Variants in NFKBIB observed in about 807,000 individuals in gnomAD.
NFKBIB encodes NFKB inhibitor beta, also known as NF-kappa-B inhibitor beta.
Under a neutral mutation model 32.1 loss-of-function variants are expected in NFKBIB, and 16 were observed. The ratio of observed to expected loss-of-function variants is 0.50; its 90% CI spans 0.34 to 0.76. NFKBIB has a LOEUF of 0.76. Ranked by LOEUF, NFKBIB falls within the 30% of genes least tolerant of loss-of-function variation. NFKBIB has a pLI of 0.01. For missense variants in NFKBIB, 437 were observed against 514.9 expected, an observed-to-expected ratio of 0.85 and a Z score of 1.46; for synonymous variants, 222 against 219.5, an observed-to-expected ratio of 1.01 and a Z score of -0.10.
chr19:38,899,974 C>T lies in NFKBIB; in HGVS notation c.-59C>T. On this transcript the variant is annotated 5_prime_UTR_variant, in exon 1 of 6. Coordinates refer to ENST00000313582, the MANE Select transcript of NFKBIB (RefSeq NM_002503.5). ...CCCGCAGGGCGGAAGCTCCAGAACT[C>T]CCGGCAAAGCCCAGCTACAGGCGGG... 1 of 1,427,680 alleles carries T rather than the reference C, an allele frequency of 7.0e-7. No individual in the cohort carries two copies. Among genetic ancestry groups the T allele is most frequent in the Non-Finnish European group, 9.2e-7 (1 of 1,090,068 alleles). The allele number at this position is 1,427,680 out of a possible 1,614,324, so 88.4% of individuals were successfully genotyped here.
rs533896617 is a variant in NFKBIB, at chr19:38,905,290, G to A, written c.374G>A (p.Arg125His). The change falls in exon 3 of 6, where the codon CGT becomes CAT. Residue 125 changes from arginine to histidine, a missense_variant. Coordinates refer to ENST00000313582, the MANE Select transcript of NFKBIB (RefSeq NM_002503.5). The surrounding 1 kb of genome is among the most constrained non-coding windows in gnomAD (Gnocchi z 5.5). ...AAGAGLCVAE[R>H]RGHTALHLAC... Reference sequence around the variant, plus strand: ...GGCGCCGGGCTGTGTGTGGCGGAGCGTAGGGGCCACACGGCGCTGCACCTG... The same window carrying A: ...GGCGCCGGGCTGTGTGTGGCGGAGCATAGGGGCCACACGGCGCTGCACCTG... The A allele has an allele frequency of 8.1e-6, 13 of 1,605,170 alleles. 1 individual carries two copies. Among genetic ancestry groups the A allele is most frequent in the Admixed American group, 6.7e-5 (4 of 59,430 alleles).
chr19:38,907,397 A>G lies in NFKBIB; in HGVS notation c.709-2A>G. ...TCTGACCTTTCTGTTGCACCCCCAC[A>G]GGAGCCCACGTGCGGCCGGAGCCCC... On this transcript the variant is annotated splice_acceptor_variant, in intron 4 of 5. Coordinates refer to ENST00000313582, the MANE Select transcript of NFKBIB (RefSeq NM_002503.5). LOFTEE classifies it high-confidence loss of function. The G allele has an allele frequency of 6.3e-7, 1 of 1,589,342 alleles. No individual in the cohort carries two copies. The highest frequency in any genetic ancestry group is 2.3e-5 in the East Asian group (1 of 44,304).
chr19:38,907,698 G>A (rs755662158), intron 5 of NFKBIB, 39 bp downstream of exon 5: 1 of 1,555,112 alleles, frequency 6.4e-7, no homozygotes, highest in Non-Finnish European at 8.7e-7. Context: ...CAGCTGGGGG[G>A]TCAGGATAGA....
Position 38,905,370 on chromosome 19 carries a change from C to G in NFKBIB, c.454C>G (p.Arg152Gly), listed in dbSNP as rs371423502. ...CCGTGCCCTGCTTCAGCCCCGCCCCCGGCGCCCCAGGGAAGCCCCCGACAC... is the reference window on the plus strand; with the variant it reads ...CCGTGCCCTGCTTCAGCCCCGCCCCGGGCGCCCCAGGGAAGCCCCCGACAC... ...CARALLQPRPRRPREAPDTYL... is the reference protein window; with the variant it reads ...CARALLQPRPGRPREAPDTYL... Residue 152 changes from arginine to glycine, a missense_variant, in exon 3 of 6, where the codon CGG (arginine) becomes GGG (glycine). By Grantham distance (125) the Arg-to-Gly change is moderately radical. Transcript: ENST00000313582. This position sits in a 1 kb window ranked among gnomAD's most constrained non-coding sequence, Gnocchi z 5.5. 2 of 1,612,768 alleles carry G rather than the reference C, an allele frequency of 1.2e-6. No individual in the cohort carries two copies. Among genetic ancestry groups the G allele is most frequent in the Admixed American group, 3.3e-5 (2 of 59,984 alleles).
intron 1 of NFKBIB, among the ~76,000 whole-genome samples, chr19:38,902,357 A>C (rs991830011): frequency 6.6e-6 from 1 of 151,896 alleles, no homozygotes; most frequent in Admixed American, 6.6e-5. Context: ...GGCGTGAGCC[A>C]CCGCGCCCGG....
In NFKBIB at chr19:38,905,628, T is replaced by TGGGCTAGGCGAGAGCACCTGGCCC; in HGVS notation, c.619+93_619+94insGGGCTAGGCGAGAGCACCTGGCCC. On this transcript the variant is annotated intron_variant, in intron 3 of 5. Transcript: ENST00000313582. The surrounding 1 kb of genome is among the most constrained non-coding windows in gnomAD (Gnocchi z 5.5). The stretch of plus-strand genomic sequence containing the variant: ...CTTCCCTGATTTGAGACTGAGCTCC[T>TGGGCTAGGCGAGAGCACCTGGCCC]TGGGAAATCATGCCTAGGCTTCAGG... 2 of 1,029,652 alleles carry TGGGCTAGGCGAGAGCACCTGGCCC rather than the reference T, an allele frequency of 1.9e-6. No homozygotes were observed. Among genetic ancestry groups the TGGGCTAGGCGAGAGCACCTGGCCC allele is most frequent in the Non-Finnish European group, 2.8e-6 (2 of 706,030 alleles). 63.8% of individuals were successfully genotyped at this position (1,029,652 alleles called of 1,614,324 possible).
chr19:38,902,847 G>A (rs1974009410), intron 1 of NFKBIB, among the ~76,000 whole-genome samples: 1 of 152,208 alleles, frequency 6.6e-6, no homozygotes, highest in South Asian at 2.1e-4. Context: ...GAGCCAAGGC[G>A]GACAGATCAC....
chr19:38,905,519 G>A lies in NFKBIB; in HGVS notation c.603G>A (p.Glu201=). The part of the protein sequence containing the change: ...ESEEDWKLQL[E]AENYEGHTPL... Reference sequence around the variant, plus strand: ...AGGAGGACTGGAAGCTGCAGCTGGAGGCTGAAAACTACGAGGGTGAGGGTC... The same window carrying A: ...AGGAGGACTGGAAGCTGCAGCTGGAAGCTGAAAACTACGAGGGTGAGGGTC... The change falls in exon 3 of 6, where the codon GAG becomes GAA. Residue 201 remains glutamate, a synonymous_variant. Coordinates refer to ENST00000313582, the MANE Select transcript of NFKBIB (RefSeq NM_002503.5). The surrounding 1 kb of genome is among the most constrained non-coding windows in gnomAD (Gnocchi z 5.5). 2 of 1,609,510 alleles carry A rather than the reference G, an allele frequency of 1.2e-6. No homozygotes were observed. The highest frequency in any genetic ancestry group is 1.1e-5 in the South Asian group (1 of 90,450).
In NFKBIB at chr19:38,907,281, G is replaced by A. The variant is rs773054763; in HGVS notation, c.680G>A (p.Arg227Gln). ...GATGTGGAGATGGTCCGGCTGCTCCGAGATGCTGGAGCTGACCTTGACAAA... is the reference window on the plus strand; with the variant it reads ...GATGTGGAGATGGTCCGGCTGCTCCAAGATGCTGGAGCTGACCTTGACAAA... ...HKDVEMVRLLRDAGADLDKPE... is the reference protein window; with the variant it reads ...HKDVEMVRLLQDAGADLDKPE... The change falls in exon 4 of 6, where the codon CGA becomes CAA. Residue 227 changes from arginine to glutamine, a missense_variant. Arg to Gln is a conservative substitution (Grantham distance 43). Coordinates refer to ENST00000313582, the MANE Select transcript of NFKBIB (RefSeq NM_002503.5). The A allele has an allele frequency of 2.6e-5, 42 of 1,613,552 alleles. No individual in the cohort carries two copies. Among genetic ancestry groups the A allele is most frequent in the Admixed American group, 6.7e-5 (4 of 60,000 alleles).
At position 38,905,302 on chromosome 19, in the gene NFKBIB, C is replaced by G; in HGVS notation, c.386C>G (p.Thr129Arg). 2 of 1,606,432 alleles carry G rather than the reference C, an allele frequency of 1.2e-6. No homozygotes were observed. The highest frequency in any genetic ancestry group is 1.7e-6 in the Non-Finnish European group (2 of 1,177,404). The change falls in exon 3 of 6, where the codon ACG becomes AGG. Residue 129 changes from threonine to arginine, a missense_variant. Thr to Arg is a moderately conservative substitution (Grantham distance 71). Transcript: ENST00000313582. This position sits in a 1 kb window ranked among gnomAD's most constrained non-coding sequence, Gnocchi z 5.5. ...TGTGTGGCGGAGCGTAGGGGCCACA[C>G]GGCGCTGCACCTGGCCTGCCGTGTG... ...GLCVAERRGH[T>R]ALHLACRVGA...
intron 1 of NFKBIB, among the ~76,000 whole-genome samples, chr19:38,902,295 C>T (rs1973995287): frequency 1.3e-5 from 2 of 151,932 alleles, no homozygotes; most frequent in African/African-American, 2.4e-5. Context: ...TGGTCTTGAT[C>T]TCCTGACCTT....
At chr19:38,899,766 A>T, upstream of NFKBIB, 1 of 688,358 alleles carries the variant, frequency 1.5e-6, no homozygotes, top group Non-Finnish European at 2.5e-6. Flanking sequence ...GGACCGGACT[A>T]CGAGTCCCAG....
Position 38,905,247 on chromosome 19 carries a change from G to A in NFKBIB, c.331G>A (p.Glu111Lys), listed in dbSNP as rs765829183. 1.3e-6 allele frequency: 2 copies of A among 1,590,890 alleles called. No homozygotes were observed. Among genetic ancestry groups the A allele is most frequent in the East Asian group, 2.2e-5 (1 of 44,698 alleles). Residue 111 changes from glutamate to lysine, a missense_variant, in exon 3 of 6, where the codon GAG becomes AAG. Glu to Lys is a moderately conservative substitution (Grantham distance 56). Transcript: ENST00000313582. The surrounding 1 kb of genome is among the most constrained non-coding windows in gnomAD (Gnocchi z 5.5). ...CATCCTGGGGGAGACATCCACGGTG[G>A]AGAAGCTGTACGCAGCAGGCGCCGG... is the stretch of plus-strand genomic sequence containing the variant. ...AAILGETSTV[E>K]KLYAAGAGLC...
chr19:38,902,235 T>C (rs999562389), intron 1 of NFKBIB, among the ~76,000 whole-genome samples: 2 of 151,882 alleles, frequency 1.3e-5, no homozygotes, highest in Non-Finnish European at 2.9e-5. Flanking sequence ...CACCTGCCAC[T>C]TCGCCTGGCT....
chr19:38,903,852 C>T (rs946625226), intron 1 of NFKBIB, among the ~76,000 whole-genome samples: 2 of 151,888 alleles, frequency 1.3e-5, no homozygotes, highest in Admixed American at 6.6e-5. Flanking sequence ...GGGTGGATCA[C>T]GAGGTCAGGA....
At chr19:38,903,631 C>G (rs12610409) in intron 1 of NFKBIB, among the ~76,000 whole-genome samples, 94,925 of 151,908 alleles carry the variant, frequency 0.62, 30,285 homozygotes, top group East Asian at 0.96. Context: ...TCTAACATCT[C>G]TGTCATTTCT....
chr19:38,905,119 A>G lies in NFKBIB; in HGVS notation c.284A>G (p.Gln95Arg), dbSNP rs745809795. 1 of 1,614,146 alleles carries G rather than the reference A, an allele frequency of 6.2e-7. No individual in the cohort carries two copies. Among genetic ancestry groups the G allele is most frequent in the South Asian group, 1.1e-5 (1 of 91,088 alleles). ...ATGGACCTGCAGAATGACCTAGGCC[A>G]GGTGAGCCACGAGGGATGGTGTAGG... Reference protein sequence around the residue: ...EYMDLQNDLGQTALHLAAILG... With the variant: ...EYMDLQNDLGRTALHLAAILG... Residue 95 changes from glutamine to arginine, a missense_variant and splice_region_variant, in exon 2 of 6, where the codon CAG becomes CGG. Coordinates refer to ENST00000313582, the MANE Select transcript of NFKBIB (RefSeq NM_002503.5). This position sits in a 1 kb window ranked among gnomAD's most constrained non-coding sequence, Gnocchi z 5.5.
At chr19:38,899,946 T>G (rs764159675), upstream of NFKBIB, 29 of 1,363,746 alleles carry the variant, frequency 2.1e-5, no homozygotes, top group African/African-American at 4.1e-4. Context: ...TGGTGGGGAA[T>G]TTCCCGCAGG....
chr19:38,906,595 G>A (rs1020798773), intron 3 of NFKBIB, among the ~76,000 whole-genome samples: 12 of 147,564 alleles, frequency 8.1e-5, no homozygotes, highest in Non-Finnish European at 1.6e-4. Context: ...TCAGCCTCCC[G>A]AGTAGCTGGG....
Sources: allele counts gnomAD v4.1 joint callset (sites outside exome capture counted in the v4.1 genomes callset), GRCh38; gene constraint gnomAD v4.1.1; non-coding constraint Gnocchi (gnomAD v3.1); transcripts MANE v1.5; gene names NCBI Gene and HGNC (gene_info 2026-07-23, HGNC 2026-07-21).